DCC: variants seen among roughly 807,000 people sequenced by gnomAD.
DCC encodes the protein DCC netrin 1 receptor, also known as netrin receptor DCC.
A neutral mutation model predicts 172.5 loss-of-function variants in DCC; 58 were observed. The ratio of observed to expected loss-of-function variants is 0.34; its 90% CI spans 0.27 to 0.42. The LOEUF is 0.42. Among genes scored for constraint, DCC ranks in the 10% least tolerant of loss-of-function variants. DCC has a pLI of 1.00. For missense variants in DCC, 1,740 were observed against 1,791.0 expected (o/e 0.97, Z 0.51); for synonymous variants, 709 against 644.5 (o/e 1.10, Z -1.52).
intron 5 of DCC, among the ~76,000 whole-genome samples, chr18:52,965,395 C>T (rs931638477): frequency 7.9e-5 from 12 of 152,154 alleles, no homozygotes; most frequent in African/African-American, 2.9e-4. Context: ...AAGATTCCTC[C>T]TCCTCCAAAC....
At chr18:52,341,585 G>T (rs1274620820) in intron 1 of DCC, among the ~76,000 whole-genome samples, 1 of 152,152 alleles carries the variant, frequency 6.6e-6, no homozygotes, top group Non-Finnish European at 1.5e-5. Context: ...CCAGAGAACC[G>T]GCGCCCTGAC....
rs1030030739 is a variant in DCC at position 53,534,229 on chromosome 18, T to C, written c.*3576T>C. On this transcript the variant is annotated 3_prime_UTR_variant, in exon 29 of 29. Transcript: ENST00000442544. ...ATAAAATTGTGTCCCAGAATTCTTA[T>C]GGTTTCGGAATGTACATTTCTAGTC... is the stretch of plus-strand genomic sequence containing the variant. The C allele has an allele frequency of 1.3e-5, 2 of 152,236 alleles. No individual in the cohort carries two copies. The highest frequency in any genetic ancestry group is 4.8e-5 in the African/African-American group (2 of 41,464). 9.4% of individuals were successfully genotyped at this position (152,236 alleles called of 1,614,324 possible).
intron 1 of DCC, among the ~76,000 whole-genome samples, chr18:52,645,898 C>T (rs900203481): frequency 1.5e-4 from 23 of 152,182 alleles, no homozygotes; most frequent in Non-Finnish European, 1.2e-4. Flanking sequence ...CTTCAGCTTT[C>T]ACAGGGGTGT....
chr18:53,507,676 T>G (rs2046198068), intron 27 of DCC, among the ~76,000 whole-genome samples: 1 of 152,182 alleles, frequency 6.6e-6, no homozygotes. Context: ...GTAAGCCCTA[T>G]TCATGAAACC....
At chr18:53,153,285 T>C (rs1049074775) in intron 7 of DCC, among the ~76,000 whole-genome samples, 5 of 152,226 alleles carry the variant, frequency 3.3e-5, no homozygotes, top group Admixed American at 6.5e-5. Context: ...TATAGAGGTA[T>C]TACATTTTGA....
intron 5 of DCC, among the ~76,000 whole-genome samples, chr18:53,005,638 G>A (rs1432130803): frequency 1.3e-5 from 2 of 152,152 alleles, no homozygotes; most frequent in East Asian, 1.9e-4. Flanking sequence ...TGAGCCAGGA[G>A]AATCGATTGA....
intron 1 of DCC, among the ~76,000 whole-genome samples, chr18:52,718,491 C>G (rs2036424513): frequency 6.6e-6 from 1 of 152,136 alleles, no homozygotes; most frequent in Non-Finnish European, 1.5e-5. Flanking sequence ...TTCTTTGAAG[C>G]TCTGAAAGCA....
At chr18:52,409,382 G>A (rs1211118583) in intron 1 of DCC, 1 of 152,082 alleles carries the variant, frequency 6.6e-6, no homozygotes, top group African/African-American at 2.4e-5. Context: ...TTATACATTG[G>A]TAGAGTGTCA....
chr18:53,068,135 T>C (rs1270197082), intron 7 of DCC, among the ~76,000 whole-genome samples: 1 of 152,212 alleles, frequency 6.6e-6, no homozygotes, highest in Non-Finnish European at 1.5e-5. Flanking sequence ...TTTGATGTGC[T>C]TAAGTGTCAG....
chr18:52,850,784 T>C (rs2038963567), intron 2 of DCC, among the ~76,000 whole-genome samples: 1 of 152,122 alleles, frequency 6.6e-6, no homozygotes, highest in African/African-American at 2.4e-5. Flanking sequence ...TCCTATTGTG[T>C]TTTTCTAAGA....
intron 1 of DCC, among the ~76,000 whole-genome samples, chr18:52,705,447 C>G (rs1184292760): frequency 1.3e-5 from 2 of 152,178 alleles, no homozygotes; most frequent in African/African-American, 4.8e-5. Context: ...TTGTGCAAAA[C>G]CTCTGGCTAT....
chr18:52,497,280 A>AAAAT (rs1555689730), intron 1 of DCC, among the ~76,000 whole-genome samples: 1 of 21,564 alleles, frequency 4.6e-5, no homozygotes, highest in Non-Finnish European at 1.1e-4. Flanking sequence ...AAAAAAAAAA[A>AAAAT]ATATATATAT....
At chr18:53,477,197 C>T (rs554132169) in intron 25 of DCC, among the ~76,000 whole-genome samples, 7 of 152,048 alleles carry the variant, frequency 4.6e-5, no homozygotes, top group Admixed American at 1.3e-4. Flanking sequence ...TTTGAAGAGA[C>T]GAGGTTTCAC....
intron 7 of DCC, among the ~76,000 whole-genome samples, chr18:53,090,729 A>AAAAAAAAAAAAAAAAAAC (rs2042994192): frequency 1.5e-5 from 2 of 133,464 alleles, no homozygotes; most frequent in Non-Finnish European, 3.2e-5. Flanking sequence ...AAAAAAAAAA[A>AAAAAAAAAAAAAAAAAAC]AAAAAGAATG....
chr18:52,552,190 G>A (rs1465434204), intron 1 of DCC, among the ~76,000 whole-genome samples: 1 of 151,944 alleles, frequency 6.6e-6, no homozygotes, highest in Non-Finnish European at 1.5e-5. Context: ...GAAGGTCAAA[G>A]GCAGGTAGAT....
chr18:52,629,866 C>T (rs571092625), intron 1 of DCC, among the ~76,000 whole-genome samples: 13 of 140,688 alleles, frequency 9.2e-5, no homozygotes, highest in South Asian at 4.7e-4. Context: ...AGGAGAATGG[C>T]GTGAAACCGG....
chr18:52,803,787 C>T (rs2038037411), intron 2 of DCC, among the ~76,000 whole-genome samples: 1 of 152,236 alleles, frequency 6.6e-6, no homozygotes, highest in African/African-American at 2.4e-5. Context: ...ATTCAATCCA[C>T]ACACTCATGG....
chr18:53,370,308 T>A (rs1297336822), intron 15 of DCC, among the ~76,000 whole-genome samples: 1 of 151,794 alleles, frequency 6.6e-6, no homozygotes, highest in Non-Finnish European at 1.5e-5. Context: ...CCCATTTTAA[T>A]TTCTCACTTC....
intron 24 of DCC, among the ~76,000 whole-genome samples, chr18:53,466,982 T>A (rs6508232): frequency 0.034 from 5,172 of 152,172 alleles, 279 homozygotes; most frequent in African/African-American, 0.11. Context: ...GTTAATTTTT[T>A]AAAAAATGCA....
Sources: allele counts gnomAD v4.1 joint callset (sites outside exome capture counted in the v4.1 genomes callset), GRCh38; gene constraint gnomAD v4.1.1; transcripts MANE v1.5; gene names NCBI Gene and HGNC (gene_info 2026-07-23, HGNC 2026-07-21).